The following PTPRD variants were observed in gnomAD, a reference collection of about 807,000 sequenced individuals.
PTPRD encodes the protein receptor-type tyrosine-protein phosphatase delta.
In PTPRD, 34 loss-of-function variants were observed where a neutral mutation model predicts 214.5. The observed-to-expected ratio is 0.16, with a 90% CI of 0.12 to 0.21. The LOEUF is 0.21. PTPRD is among the 10% of genes least tolerant of loss of function. The pLI, the probability that PTPRD is intolerant of heterozygous loss-of-function variation, is 1.00. For synonymous variants in PTPRD, 1,128 were observed against 845.7 expected, an observed-to-expected ratio of 1.33 and a Z score of -5.79; for missense variants, 2,545 against 2,398.7, an observed-to-expected ratio of 1.06 and a Z score of -1.27.
chr9:8,585,523 G>A (rs1319012810), intron 14 of PTPRD, among the ~76,000 whole-genome samples: 4 of 152,072 alleles, frequency 2.6e-5, no homozygotes, highest in Non-Finnish European at 4.4e-5. Context: ...AGAATTGGTG[G>A]GATTTAATTT....
intron 5 of PTPRD, among the ~76,000 whole-genome samples, chr9:9,846,778 G>A (rs1310545577): frequency 6.6e-6 from 1 of 152,070 alleles, no homozygotes; most frequent in African/African-American, 2.4e-5. Flanking sequence ...CAGCATAAAT[G>A]AAACATTGAG....
At position 8,486,067 on chromosome 9, in the gene PTPRD, A is replaced by G; in HGVS notation, c.2750T>C (p.Val917Ala). Residue 917 changes from valine (V) to alanine (A), a missense_variant, in exon 28 of 46, where the codon GTA becomes GCA. Val to Ala is a moderately conservative substitution (Grantham distance 64, BLOSUM62 0). Coordinates refer to ENST00000381196, the MANE Select transcript of PTPRD (RefSeq NM_002839.4). ...MVKEISIPEE[V>A]PTGFPQNLHS... ...AAGGTTTTGAGGGAATCCAGTTGGT[A>G]CTTCTTCTGGAATGGAAATCTCCTT... is the stretch of plus-strand genomic sequence containing the variant. The G allele has an allele frequency of 6.2e-7, 1 of 1,614,140 alleles. No individual in the cohort carries two copies. The highest frequency in any genetic ancestry group is 8.5e-7 in the Non-Finnish European group (1 of 1,180,012).
rs73399040 is a variant in PTPRD at position 9,408,566 on chromosome 9, A to G, written c.-236-11084T>C. 5.3e-3 allele frequency among the ~76,000 whole-genome samples: 799 copies of G among 152,022 alleles called. 7 individuals carry two copies. Among genetic ancestry groups the G allele is most frequent in the African/African-American group, 0.018 (756 of 41,554 alleles). On this transcript the variant is annotated intron_variant, in intron 8 of 45. Transcript: ENST00000381196. ...AAAGGAAAGCAAAAGAATAATTTTC[A>G]TCAGCTTCCACTTACTTCTTAGTAA...
chr9:8,903,413 T>G (rs2098686393), intron 11 of PTPRD, among the ~76,000 whole-genome samples: 1 of 152,184 alleles, frequency 6.6e-6, no homozygotes, highest in Non-Finnish European at 1.5e-5. Context: ...AGCATCATTA[T>G]CCTGTCTTTA....
intron 8 of PTPRD, among the ~76,000 whole-genome samples, chr9:9,561,828 G>T (rs562934226): frequency 6.6e-6 from 1 of 151,964 alleles, no homozygotes; most frequent in Non-Finnish European, 1.5e-5. Context: ...TCATTTGTTG[G>T]TTCCTTCTCC....
chr9:10,162,559 G>A (rs1199341431), intron 3 of PTPRD, among the ~76,000 whole-genome samples: 1 of 150,276 alleles, frequency 6.7e-6, no homozygotes, highest in Non-Finnish European at 1.5e-5. Flanking sequence ...GAGAGTAGAA[G>A]GGGTTGAAGA....
At chr9:9,872,364 C>A (rs941195736) in intron 5 of PTPRD, among the ~76,000 whole-genome samples, 1 of 152,072 alleles carries the variant, frequency 6.6e-6, no homozygotes, top group African/African-American at 2.4e-5. Context: ...CTTTGGGAGG[C>A]CGAGGCAGGA....
chr9:10,301,173 G>A (rs527914815), intron 3 of PTPRD, among the ~76,000 whole-genome samples: 6 of 152,270 alleles, frequency 3.9e-5, no homozygotes, highest in African/African-American at 9.6e-5. Flanking sequence ...ACAGCAGAGG[G>A]GGGTGACTGT....
At position 8,915,561 on chromosome 9, in the gene PTPRD, A is replaced by T. The variant is rs113053709; in HGVS notation, c.-104+103136T>A. Reference sequence around the variant, plus strand: ...TATACACACACACACATATATGTGCATATACATATGTATCCCAAGAGCTAC... The same window carrying T: ...TATACACACACACACATATATGTGCTTATACATATGTATCCCAAGAGCTAC... On this transcript the variant is annotated intron_variant, in intron 11 of 45. Transcript: ENST00000381196. Among the ~76,000 whole-genome samples, 68 of 152,336 alleles carry T rather than the reference A, an allele frequency of 4.5e-4. 1 individual carries two copies. The highest frequency in any genetic ancestry group is 1.6e-3 in the African/African-American group (67 of 41,564).
At chr9:9,790,164 T>C (rs963012449) in intron 5 of PTPRD, among the ~76,000 whole-genome samples, 3 of 152,194 alleles carry the variant, frequency 2.0e-5, no homozygotes, top group East Asian at 1.9e-4. Context: ...TCAGATTTAA[T>C]GTACCCAAGT....
At chr9:8,481,993 G>A (rs2096897119) in intron 30 of PTPRD, among the ~76,000 whole-genome samples, 1 of 152,074 alleles carries the variant, frequency 6.6e-6, no homozygotes, top group African/African-American at 2.4e-5. Flanking sequence ...ATTTTGGTCA[G>A]TCTGGTCTCG....
In PTPRD at chr9:9,441,159, A is replaced by G. The variant is rs576852705; in HGVS notation, c.-236-43677T>C. The stretch of plus-strand genomic sequence containing the variant: ...GTCTCTCTACAGCTTAAGTGATACC[A>G]AAGATGCTATCAACTGAGCACTACC... On this transcript the variant is annotated intron_variant, in intron 8 of 45. Coordinates refer to ENST00000381196, the MANE Select transcript of PTPRD (RefSeq NM_002839.4). Among the ~76,000 whole-genome samples, 4 of 152,280 alleles carry G rather than the reference A, an allele frequency of 2.6e-5. No individual in the cohort carries two copies. The East Asian group carries it at 5.8e-4, about 22-fold the overall frequency.
At chr9:10,232,213 C>A (rs1361879257) in intron 3 of PTPRD, among the ~76,000 whole-genome samples, 1 of 151,816 alleles carries the variant, frequency 6.6e-6, no homozygotes, top group African/African-American at 2.4e-5. Context: ...GAGCTAAATA[C>A]ACCTTTTTTC....
chr9:9,806,228 G>A (rs1196912076), intron 5 of PTPRD, among the ~76,000 whole-genome samples: 4 of 152,044 alleles, frequency 2.6e-5, no homozygotes, highest in African/African-American at 4.8e-5. Context: ...TGGTCAGGCC[G>A]TTATCACACT....
intron 9 of PTPRD, among the ~76,000 whole-genome samples, chr9:9,329,954 G>C (rs952952474): frequency 6.6e-6 from 1 of 152,074 alleles, no homozygotes; most frequent in Non-Finnish European, 1.5e-5. Flanking sequence ...CCCTGTCATG[G>C]GTAAGAGAAG....
chr9:9,008,168 G>T (rs1354109337), intron 11 of PTPRD, among the ~76,000 whole-genome samples: 1 of 148,742 alleles, frequency 6.7e-6, no homozygotes, highest in Non-Finnish European at 1.5e-5. Flanking sequence ...CACAGTCCAT[G>T]AGAGTCTGTT....
At chr9:8,320,578 G>A (rs144965207) in intron 44 of PTPRD, among the ~76,000 whole-genome samples, 78 of 152,090 alleles carry the variant, frequency 5.1e-4, no homozygotes, top group African/African-American at 1.9e-3. Flanking sequence ...ACGTACACAT[G>A]AAGTAAATAC....
intron 12 of PTPRD, among the ~76,000 whole-genome samples, chr9:8,644,727 G>A (rs547664493): frequency 6.6e-6 from 1 of 152,172 alleles, no homozygotes. Context: ...AGCCATACTA[G>A]CACCCGGAAC....
intron 14 of PTPRD, among the ~76,000 whole-genome samples, chr9:8,576,107 A>T (rs1218419617): frequency 6.6e-6 from 1 of 152,226 alleles, no homozygotes; most frequent in African/African-American, 2.4e-5. Context: ...CTATCCTTAT[A>T]ACACCAAACC....
Sources: allele counts gnomAD v4.1 joint callset (sites outside exome capture counted in the v4.1 genomes callset), GRCh38; gene constraint gnomAD v4.1.1; transcripts MANE v1.5; gene names NCBI Gene and HGNC (gene_info 2026-07-23, HGNC 2026-07-21).